Variants in TRIM24 observed in about 807,000 individuals in gnomAD.
The protein encoded by TRIM24 is tripartite motif containing 24, also known as transcription intermediary factor 1-alpha.
Under a neutral mutation model 123.9 loss-of-function variants are expected in TRIM24, and 29 were observed. That is an observed-to-expected ratio of 0.23 (90% CI 0.17 to 0.32). The LOEUF is 0.32. Among genes scored for constraint, TRIM24 ranks in the 10% least tolerant of loss-of-function variants. The pLI is 1.00. For missense variants in TRIM24, 932 were observed against 1,295.3 expected (o/e 0.72, Z 4.31); for synonymous variants, 456 against 461.1 (o/e 0.99, Z 0.14).
intron 1 of TRIM24, chr7:138,461,352 A>T (rs1156684333): frequency 4.8e-6 from 2 of 420,904 alleles, no homozygotes; most frequent in Non-Finnish European, 9.3e-6. Flanking sequence ...TTTGAGCTGC[A>T]GGGGAGAAGG....
chr7:138,555,248 T>C (rs2116637136), intron 9 of TRIM24, among the ~76,000 whole-genome samples: 1 of 152,242 alleles, frequency 6.6e-6, no homozygotes, highest in African/African-American at 2.4e-5. Context: ...AGGCCTGTGA[T>C]TGATGGGAAA....
At chr7:138,558,396 A>T (rs759121447) in intron 9 of TRIM24, among the ~76,000 whole-genome samples, 1 of 152,220 alleles carries the variant, frequency 6.6e-6, no homozygotes, top group Non-Finnish European at 1.5e-5. Flanking sequence ...TAAGGGCCAG[A>T]CGCTCAAGCT....
intron 6 of TRIM24, among the ~76,000 whole-genome samples, chr7:138,533,920 A>T (rs1796806329): frequency 6.6e-6 from 1 of 152,134 alleles, no homozygotes; most frequent in Non-Finnish European, 1.5e-5. Context: ...TCAGGGATTC[A>T]ACTTCTTCCT....
intron 9 of TRIM24, among the ~76,000 whole-genome samples, chr7:138,555,482 ATTT>A (rs1203577540): frequency 1.7e-4 from 23 of 138,522 alleles, no homozygotes; most frequent in African/African-American, 3.2e-4. Flanking sequence ...CTATAATCCA[ATTT>A]TTTTTTTTTT....
chr7:138,564,713 G>T (rs934491957), intron 9 of TRIM24, among the ~76,000 whole-genome samples: 14 of 152,150 alleles, frequency 9.2e-5, no homozygotes, highest in African/African-American at 3.4e-4. Context: ...ATGGCCAATT[G>T]TTTCCCTATC....
chr7:138,543,802 G>T lies in TRIM24; in HGVS notation c.1143+4999G>T, dbSNP rs193212101. Among the ~76,000 whole-genome samples the T allele has an allele frequency of 4.3e-3, 646 of 151,914 alleles. 5 individuals are homozygous for T. Among genetic ancestry groups the T allele is most frequent in the African/African-American group, 0.015 (631 of 41,436 alleles). On this transcript the variant is annotated intron_variant, in intron 7 of 18. Coordinates refer to ENST00000343526, the MANE Select transcript of TRIM24 (RefSeq NM_015905.3). Reference sequence around the variant, plus strand: ...TATACATAACAGTGTTATTATGGAGGTTTTTTTGGTTTATTCTTTTGGTTT... The same window carrying T: ...TATACATAACAGTGTTATTATGGAGTTTTTTTTGGTTTATTCTTTTGGTTT...
intron 5 of TRIM24, among the ~76,000 whole-genome samples, chr7:138,527,598 A>C (rs1319100018): frequency 6.6e-6 from 1 of 152,204 alleles, no homozygotes; most frequent in African/African-American, 2.4e-5. Context: ...ATCTGGAAGA[A>C]TTTCCAGCAG....
chr7:138,535,477 CT>C (rs1796848613), intron 6 of TRIM24, among the ~76,000 whole-genome samples: 1 of 152,118 alleles, frequency 6.6e-6, no homozygotes, highest in African/African-American at 2.4e-5. Flanking sequence ...ACTTATGAAG[CT>C]TAGTTTGGCT....
intron 1 of TRIM24, among the ~76,000 whole-genome samples, chr7:138,500,194 T>A (rs1449238047): frequency 6.6e-6 from 1 of 152,136 alleles, no homozygotes; most frequent in Non-Finnish European, 1.5e-5. Context: ...AACTAAAACT[T>A]CACAGAAAGG....
chr7:138,581,581 T>G, intron 16 of TRIM24, 116 bp from the exon 17 acceptor site: 1 of 814,272 alleles, frequency 1.2e-6, no homozygotes, highest in South Asian at 2.0e-5. Context: ...TTTGTATTCA[T>G]CTGGGTTTTA....
chr7:138,473,183 G>C (rs1795312324), intron 1 of TRIM24, among the ~76,000 whole-genome samples: 1 of 152,210 alleles, frequency 6.6e-6, no homozygotes, highest in South Asian at 2.1e-4. Flanking sequence ...GGGAGGCTGA[G>C]GCAGGAGAAT....
chr7:138,511,644 C>T (rs541204492), intron 2 of TRIM24, among the ~76,000 whole-genome samples: 1 of 152,260 alleles, frequency 6.6e-6, no homozygotes, highest in Admixed American at 6.5e-5. Context: ...ACCATGAGAA[C>T]AGCACCAAGG....
At chr7:138,498,349 C>T (rs572442793) in intron 1 of TRIM24, among the ~76,000 whole-genome samples, 89 of 152,044 alleles carry the variant, frequency 5.9e-4, no homozygotes, top group African/African-American at 1.9e-3. Flanking sequence ...CTCAGCCTCC[C>T]GAGTAGCTGG....
Position 138,548,388 on chromosome 7 carries a change from C to T in TRIM24, c.1144-2675C>T, listed in dbSNP as rs188591105. Among the ~76,000 whole-genome samples, 231 of 151,870 alleles carry T rather than the reference C, an allele frequency of 1.5e-3. 1 individual carries two copies. Among genetic ancestry groups the T allele is most frequent in the South Asian group, 0.01 (48 of 4,796 alleles). ...GAGCCGAGCTGAGATCGCACCACTCCACTCCAGCCTGGGTGACAGAGTGAG... is the reference window on the plus strand; with the variant it reads ...GAGCCGAGCTGAGATCGCACCACTCTACTCCAGCCTGGGTGACAGAGTGAG... On this transcript the variant is annotated intron_variant, in intron 7 of 18. Transcript: ENST00000343526.
intron 6 of TRIM24, among the ~76,000 whole-genome samples, chr7:138,531,387 G>A (rs1796741570): frequency 1.6e-5 from 2 of 122,436 alleles, no homozygotes; most frequent in Admixed American, 9.2e-5. Flanking sequence ...CCCACAACAG[G>A]CCCCGGTGTG....
rs375238268 is a variant in TRIM24 at position 138,567,586 on chromosome 7, A to G, written c.1636A>G (p.Ile546Val). Residue 546 changes from isoleucine to valine, a missense_variant, in exon 10 of 19, where the codon ATA (isoleucine) becomes GTA (valine). Physicochemically the swap from Ile to Val is conservative, Grantham distance 29. Coordinates refer to ENST00000343526, the MANE Select transcript of TRIM24 (RefSeq NM_015905.3). ...ACTGAGATATCCACCAAACCAGAAC[A>G]TACCACGACAAGCAATAAAGCCAAA... ...QQLRYPPNQNIPRQAIKPNPL... is the reference protein window; with the variant it reads ...QQLRYPPNQNVPRQAIKPNPL... 4 of 1,613,824 alleles carry G rather than the reference A, an allele frequency of 2.5e-6. No homozygotes were observed. The African/African-American group carries it at 5.3e-5, about 22-fold the overall frequency.
chr7:138,538,731 G>A lies in TRIM24; in HGVS notation c.1071G>A (p.Glu357=). The part of the protein sequence containing the change: ...QEVAGLSKQL[E]HVMHFSKWAV... ...TGGCTGGACTCTCTAAACAATTGGA[G>A]CATGTCATGCATTTTTCTAAATGGG... is the stretch of plus-strand genomic sequence containing the variant. The change falls in exon 7 of 19, where the codon GAG becomes GAA. Residue 357 remains glutamate (E), a synonymous_variant. Transcript: ENST00000343526. 1 of 1,614,082 alleles carries A rather than the reference G, an allele frequency of 6.2e-7. No individual in the cohort carries two copies. The highest frequency in any genetic ancestry group is 8.5e-7 in the Non-Finnish European group (1 of 1,179,984).
intron 1 of TRIM24, among the ~76,000 whole-genome samples, chr7:138,485,326 G>C (rs1190901850): frequency 6.6e-6 from 1 of 151,094 alleles, no homozygotes; most frequent in African/African-American, 2.4e-5. Context: ...GCTATTTCCA[G>C]AACTTTTTCA....
intron 1 of TRIM24, among the ~76,000 whole-genome samples, chr7:138,465,719 T>C (rs1795120635): frequency 2.0e-5 from 3 of 152,196 alleles, no homozygotes; most frequent in African/African-American, 2.4e-5. Flanking sequence ...CTGTGTTACC[T>C]GTCAGTCCTA....
Sources: allele counts gnomAD v4.1 joint callset (sites outside exome capture counted in the v4.1 genomes callset), GRCh38; gene constraint gnomAD v4.1.1; transcripts MANE v1.5; gene names NCBI Gene and HGNC (gene_info 2026-07-23, HGNC 2026-07-21).